KCNMB2: variants seen among roughly 807,000 people sequenced by gnomAD.
KCNMB2 encodes the protein calcium-activated potassium channel subunit beta-2.
KCNMB2 carries 9 observed loss-of-function variants against 24.5 expected under a neutral mutation model. That is an observed-to-expected ratio of 0.37 (90% CI 0.22 to 0.64). KCNMB2 has a LOEUF of 0.64. KCNMB2 is among the 30% of genes least tolerant of loss of function. The probability of loss-of-function intolerance (pLI) is 0.63; values close to 1 mark genes in which losing one functional copy is unlikely to be tolerated. For missense variants in KCNMB2, 226 were observed against 284.3 expected, an observed-to-expected ratio of 0.79 and a Z score of 1.47; for synonymous variants, 109 against 104.4, an observed-to-expected ratio of 1.04 and a Z score of -0.27.
Position 178,639,332 on chromosome 3 carries a change from A to G in KCNMB2, c.-68+102621A>G, listed in dbSNP as rs373470324. The stretch of plus-strand genomic sequence containing the variant: ...AATTATCCAAGGTTAAACAGCTAAT[A>G]AGTGAAAATCACAGAAAGAGAATCA... On this transcript the variant is annotated intron_variant, in intron 1 of 4. Transcript: ENST00000452583. Among the ~76,000 whole-genome samples, 43 of 152,300 alleles carry G rather than the reference A, an allele frequency of 2.8e-4. 1 individual carries two copies. In the South Asian group the frequency reaches 8.7e-3, roughly 31 times the overall value.
intron 1 of KCNMB2, among the ~76,000 whole-genome samples, chr3:178,628,238 T>C (rs1276339400): frequency 6.6e-6 from 1 of 152,170 alleles, no homozygotes; most frequent in Non-Finnish European, 1.5e-5. Flanking sequence ...TCTGCTTCAA[T>C]GCTAAAAGGA....
intron 1 of KCNMB2, among the ~76,000 whole-genome samples, chr3:178,805,476 A>T (rs1713928948): frequency 6.6e-6 from 1 of 152,196 alleles, no homozygotes; most frequent in Non-Finnish European, 1.5e-5. Context: ...CCTATAACCA[A>T]TCACTTATTA....
At chr3:178,647,566 A>T (rs1174308483) in intron 1 of KCNMB2, among the ~76,000 whole-genome samples, 1 of 152,218 alleles carries the variant, frequency 6.6e-6, no homozygotes, top group East Asian at 1.9e-4. Flanking sequence ...TCATCTATAA[A>T]ATGCAAATGA....
intron 1 of KCNMB2, among the ~76,000 whole-genome samples, chr3:178,747,430 T>A (rs1366431019): frequency 6.6e-6 from 1 of 152,214 alleles, no homozygotes; most frequent in Non-Finnish European, 1.5e-5. Context: ...TGATGTAGAA[T>A]TAGCAAAATG....
chr3:178,803,871 G>A (rs1057411941), intron 1 of KCNMB2, among the ~76,000 whole-genome samples: 2 of 152,060 alleles, frequency 1.3e-5, no homozygotes. Flanking sequence ...AAATGGAAAG[G>A]GCCCTTTATA....
At chr3:178,730,417 A>C (rs1394716131) in intron 1 of KCNMB2, among the ~76,000 whole-genome samples, 1,170 of 72,636 alleles carry the variant, frequency 0.016, 26 homozygotes, top group African/African-American at 0.067. Flanking sequence ...CCCCCCACAC[A>C]CACACACACA....
rs564988608 is a variant in KCNMB2 at position 178,768,450 on chromosome 3, A to G, written c.-67-38893A>G. ...CATGATAAATATTTATACATGATAA[A>G]TAAAAATTTATCATGTACTCTAAAT... On this transcript the variant is annotated intron_variant, in intron 1 of 4. Coordinates refer to ENST00000452583, the MANE Select transcript of KCNMB2 (RefSeq NM_181361.3). Among the ~76,000 whole-genome samples, 6 of 152,330 alleles carry G rather than the reference A, an allele frequency of 3.9e-5. No homozygotes were observed. The South Asian group carries it at 1.2e-3, about 32-fold the overall frequency.
intron 1 of KCNMB2, among the ~76,000 whole-genome samples, chr3:178,670,627 C>T (rs1483519618): frequency 2.0e-5 from 3 of 152,074 alleles, no homozygotes; most frequent in Non-Finnish European, 4.4e-5. Context: ...CATTATTATC[C>T]CCATTTTACA....
chr3:178,834,591 C>T (rs1030300205), intron 4 of KCNMB2, among the ~76,000 whole-genome samples: 1 of 151,978 alleles, frequency 6.6e-6, no homozygotes, highest in Non-Finnish European at 1.5e-5. Flanking sequence ...ATATTCAGCA[C>T]CAGTTTATGT....
intron 1 of KCNMB2, among the ~76,000 whole-genome samples, chr3:178,727,457 A>T (rs1281026422): frequency 6.6e-6 from 1 of 152,108 alleles, no homozygotes; most frequent in Non-Finnish European, 1.5e-5. Context: ...GCAAGAGGAA[A>T]TTTGCAGATG....
chr3:178,810,450 A>G (rs1714141832), intron 2 of KCNMB2, among the ~76,000 whole-genome samples: 1 of 152,212 alleles, frequency 6.6e-6, no homozygotes, highest in African/African-American at 2.4e-5. Context: ...CAAATCGTAG[A>G]ATACCAGGAA....
chr3:178,595,503 A>C (rs1397956412), intron 1 of KCNMB2, among the ~76,000 whole-genome samples: 1 of 152,012 alleles, frequency 6.6e-6, no homozygotes, highest in Non-Finnish European at 1.5e-5. Context: ...GTGTTGTGGG[A>C]GGGACCAGGT....
At chr3:178,790,701 T>C (rs1301235446) in intron 1 of KCNMB2, among the ~76,000 whole-genome samples, 1 of 152,198 alleles carries the variant, frequency 6.6e-6, no homozygotes, top group Non-Finnish European at 1.5e-5. Context: ...GTCCCAGTGG[T>C]GGTGGCCACA....
At chr3:178,780,345 G>A (rs978735210) in intron 1 of KCNMB2, among the ~76,000 whole-genome samples, 4 of 152,004 alleles carry the variant, frequency 2.6e-5, no homozygotes, top group African/African-American at 4.8e-5. Flanking sequence ...TTTCTCCAAC[G>A]ATCTTAATCC....
At chr3:178,775,031 C>G (rs1712524057) in intron 1 of KCNMB2, among the ~76,000 whole-genome samples, 2 of 152,174 alleles carry the variant, frequency 1.3e-5, no homozygotes, top group Admixed American at 1.3e-4. Flanking sequence ...CTATCAGAAA[C>G]AGATTCACTT....
intron 1 of KCNMB2, among the ~76,000 whole-genome samples, chr3:178,806,304 T>C (rs1167818086): frequency 6.6e-6 from 1 of 152,224 alleles, no homozygotes; most frequent in Non-Finnish European, 1.5e-5. Flanking sequence ...AGAGTTTTCA[T>C]TGTATAAGCA....
At chr3:178,616,590 C>A (rs1439980759) in intron 1 of KCNMB2, among the ~76,000 whole-genome samples, 1 of 152,190 alleles carries the variant, frequency 6.6e-6, no homozygotes, top group Non-Finnish European at 1.5e-5. Context: ...TTCTTTTCTG[C>A]AATGCCTCTT....
At chr3:178,788,569 A>C (rs1713199030) in intron 1 of KCNMB2, among the ~76,000 whole-genome samples, 1 of 152,168 alleles carries the variant, frequency 6.6e-6, no homozygotes, top group African/African-American at 2.4e-5. Context: ...GAAATCCTGT[A>C]TGATATCTGC....
At chr3:178,821,331 G>C (rs1374824010) in intron 2 of KCNMB2, among the ~76,000 whole-genome samples, 1 of 152,168 alleles carries the variant, frequency 6.6e-6, no homozygotes, top group Non-Finnish European at 1.5e-5. Flanking sequence ...CTTCCAACTA[G>C]CACTGAAGAC....
Sources: gnomAD v4.1 joint callset for allele counts (sites outside exome capture counted in the v4.1 genomes callset) on GRCh38, gnomAD v4.1.1 for gene constraint, MANE v1.5 for transcripts, NCBI Gene and HGNC (gene_info 2026-07-23, HGNC 2026-07-21) for gene names.